Variants in ZNF670 observed in about 807,000 individuals in gnomAD.
ZNF670 encodes zinc finger protein 670.
Under a neutral mutation model 10.9 loss-of-function variants are expected in ZNF670, and 7 were observed. The ratio of observed to expected loss-of-function variants is 0.64; its 90% CI spans 0.36 to 1.20. ZNF670 has a LOEUF of 1.20. Among genes scored for constraint, ZNF670 ranks in the 50% most tolerant of loss-of-function variants. The probability of loss-of-function intolerance (pLI) is 0.02; values close to 1 mark genes in which losing one functional copy is unlikely to be tolerated. For synonymous variants in ZNF670, 136 were observed against 152.7 expected, an observed-to-expected ratio of 0.89 and a Z score of 0.81; for missense variants, 446 against 458.6, an observed-to-expected ratio of 0.97 and a Z score of 0.25.
At chr1:247,041,074 C>A (rs1022014889) in intron 1 of ZNF670, among the ~76,000 whole-genome samples, 3 of 152,178 alleles carry the variant, frequency 2.0e-5, no homozygotes, top group Non-Finnish European at 4.4e-5. Flanking sequence ...TTAAAACATA[C>A]AGTAGAGCAA....
At chr1:247,062,886 C>T (rs1406054362) in intron 1 of ZNF670, among the ~76,000 whole-genome samples, 2 of 144,284 alleles carry the variant, frequency 1.4e-5, no homozygotes, top group African/African-American at 5.4e-5. Flanking sequence ...ATTCATCAGA[C>T]ACTCCAAGAT....
chr1:247,074,955 C>T lies in ZNF670; in HGVS notation c.3+3639G>A, dbSNP rs571684569. Among the ~76,000 whole-genome samples the T allele has an allele frequency of 1.9e-4, 29 of 152,272 alleles. No individual in the cohort carries two copies. In the South Asian group the frequency reaches 6.0e-3, roughly 32 times the overall value. ...TACACCCTTAAAAAGGGGATCTCAT[C>T]CTTTCAATCCAGGCCCAACCACATC... is the stretch of plus-strand genomic sequence containing the variant. On this transcript the variant is annotated intron_variant, in intron 1 of 3. Coordinates refer to ENST00000366503, the MANE Select transcript of ZNF670 (RefSeq NM_033213.5).
intron 1 of ZNF670, among the ~76,000 whole-genome samples, chr1:247,064,971 G>A (rs1164475012): frequency 6.6e-6 from 1 of 151,912 alleles, no homozygotes; most frequent in African/African-American, 2.4e-5. Context: ...ACCATGCCCG[G>A]CTAATTTTTG....
intron 1 of ZNF670, among the ~76,000 whole-genome samples, chr1:247,076,655 TC>T (rs934019537): frequency 3.2e-5 from 4 of 125,750 alleles, no homozygotes; most frequent in African/African-American, 1.1e-4. Context: ...TAGAATAAAC[TC>T]TCTTTTTTTT....
chr1:247,047,629 G>A (rs1670482862), intron 1 of ZNF670, among the ~76,000 whole-genome samples: 1 of 152,114 alleles, frequency 6.6e-6, no homozygotes, highest in Non-Finnish European at 1.5e-5. Flanking sequence ...CTCCATGTGG[G>A]CTAGGCCACT....
chr1:247,040,779 G>A (rs1438102376), intron 1 of ZNF670, among the ~76,000 whole-genome samples: 3 of 151,804 alleles, frequency 2.0e-5, no homozygotes, highest in Non-Finnish European at 2.9e-5. Flanking sequence ...CACATCCTCC[G>A]CTGCCTCCCA....
intron 1 of ZNF670, among the ~76,000 whole-genome samples, chr1:247,062,697 G>C (rs1027820449): frequency 6.6e-6 from 1 of 152,190 alleles, no homozygotes; most frequent in Non-Finnish European, 1.5e-5. Flanking sequence ...TTGCTTTGCA[G>C]GTTCTTTCAC....
chr1:247,052,125 C>T (rs961198488), intron 1 of ZNF670, among the ~76,000 whole-genome samples: 3 of 151,974 alleles, frequency 2.0e-5, no homozygotes, highest in Non-Finnish European at 4.4e-5. Flanking sequence ...GCATCCACTG[C>T]TGGGGAGCTT....
intron 1 of ZNF670, among the ~76,000 whole-genome samples, chr1:247,046,889 C>T (rs1353219320): frequency 6.6e-6 from 1 of 152,210 alleles, no homozygotes; most frequent in Non-Finnish European, 1.5e-5. Flanking sequence ...GGTAAATACA[C>T]CGGTTCCAAA....
chr1:247,065,685 G>C (rs74152903), intron 1 of ZNF670, among the ~76,000 whole-genome samples: 4,002 of 152,182 alleles, frequency 0.026, 185 homozygotes, highest in African/African-American at 0.089. Context: ...GAAAATGATT[G>C]AAACCTATTT....
intron 1 of ZNF670, among the ~76,000 whole-genome samples, chr1:247,061,183 ATT>A (rs778969843): frequency 4.2e-5 from 6 of 144,102 alleles, no homozygotes; most frequent in Non-Finnish European, 3.0e-5. Context: ...TTAAAAGTAA[ATT>A]TTTTTTTTTT....
In ZNF670 at chr1:247,043,037, T is replaced by C. The variant is rs539185753; in HGVS notation, c.4-3500A>G. 40 of 941,154 alleles carry C rather than the reference T, an allele frequency of 4.3e-5. No individual in the cohort carries two copies. In the African/African-American group the frequency reaches 4.8e-4, roughly 11 times the overall value. The allele number at this position is 941,154 out of a possible 1,614,324, so 58.3% of individuals were successfully genotyped here. A position where few individuals can be genotyped will look rare whatever the true frequency, so the allele number is the denominator to read the frequency against. On this transcript the variant is annotated intron_variant, in intron 1 of 3. Coordinates refer to ENST00000366503, the MANE Select transcript of ZNF670 (RefSeq NM_033213.5). Reference sequence around the variant, plus strand: ...CCATACAAGATTGATATAGGTGCAGTATATTCCCACAGACCCAATCAACAC... The same window carrying C: ...CCATACAAGATTGATATAGGTGCAGCATATTCCCACAGACCCAATCAACAC...
intron 1 of ZNF670, among the ~76,000 whole-genome samples, chr1:247,058,723 A>C (rs559065484): frequency 6.6e-6 from 1 of 151,920 alleles, no homozygotes; most frequent in East Asian, 1.9e-4. Flanking sequence ...AAAAAAAAAA[A>C]AAACCACAGT....
chr1:247,053,610 TG>T (rs1299775906), intron 1 of ZNF670, among the ~76,000 whole-genome samples: 2 of 152,194 alleles, frequency 1.3e-5, no homozygotes, highest in Non-Finnish European at 2.9e-5. Context: ...CACTCCAGCC[TG>T]GGCAACACAG....
intron 1 of ZNF670, among the ~76,000 whole-genome samples, chr1:247,074,350 C>T (rs1353154073): frequency 6.6e-6 from 1 of 151,966 alleles, no homozygotes; most frequent in Non-Finnish European, 1.5e-5. Flanking sequence ...AGGCTGACCT[C>T]AGGGTGAAAT....
At chr1:247,043,295 C>G in intron 1 of ZNF670, 1 of 628,546 alleles carries the variant, frequency 1.6e-6, no homozygotes, top group Non-Finnish European at 3.0e-6. Context: ...ATTGTTTGGT[C>G]TGTGATAAAT....
rs1425346756 is a variant in ZNF670, at chr1:247,037,669, G to A, written c.950C>T (p.Ala317Val). Residue 317 changes from alanine (A) to valine (V), a missense_variant, in exon 4 of 4, where the codon GCC becomes GTC. By Grantham distance (64) the Ala-to-Val change is moderately conservative (BLOSUM62 0). Transcript: ENST00000366503. ...ACATAGGTTACTAGAATATTTGAAG[G>A]CTTTACCACATTGTTTACATTCATA... is the stretch of plus-strand genomic sequence containing the variant. ...KPYECKQCGKAFKYSSNLCEH... is the reference protein window; with the variant it reads ...KPYECKQCGKVFKYSSNLCEH... 2 of 1,613,844 alleles carry A rather than the reference G, an allele frequency of 1.2e-6. No individual in the cohort carries two copies.
intron 1 of ZNF670, chr1:247,043,275 A>G: frequency 1.5e-6 from 1 of 650,028 alleles, no homozygotes; most frequent in South Asian, 1.5e-5. Context: ...TTCTGGAAGG[A>G]GGGGTGTACA....
At chr1:247,076,658 C>CTTTTTT (rs553387815) in intron 1 of ZNF670, among the ~76,000 whole-genome samples, 3 of 139,882 alleles carry the variant, frequency 2.1e-5, no homozygotes, top group African/African-American at 2.7e-5. Flanking sequence ...AATAAACTCT[C>CTTTTTT]TTTTTTTTTT....
Sources: gnomAD v4.1 joint callset for allele counts (sites outside exome capture counted in the v4.1 genomes callset) on GRCh38, gnomAD v4.1.1 for gene constraint, MANE v1.5 for transcripts, NCBI Gene and HGNC (gene_info 2026-07-23, HGNC 2026-07-21) for gene names.